Variants in CFAP61 observed in about 807,000 individuals in gnomAD.
CFAP61 encodes the protein cilia and flagella associated protein 61.
In CFAP61, 107 loss-of-function variants were observed where a neutral mutation model predicts 135.6. The observed-to-expected ratio is 0.79, with a 90% CI of 0.67 to 0.93. CFAP61 has a LOEUF of 0.93. Among genes scored for constraint, CFAP61 ranks in the 40% least tolerant of loss-of-function variants. The pLI is 0.00. For missense variants in CFAP61, 1,507 were observed against 1,556.2 expected (o/e 0.97, Z 0.53); for synonymous variants, 575 against 578.5 (o/e 0.99, Z 0.09).
chr20:20,106,005 T>TAC (rs2048366663), intron 8 of CFAP61, among the ~76,000 whole-genome samples: 1 of 10,000 alleles, frequency 1.0e-4, no homozygotes, highest in South Asian at 4.9e-3. Context: ...CTTGCCTATA[T>TAC]ATATATATAT....
chr20:20,110,159 A>T (rs73605579), intron 8 of CFAP61, among the ~76,000 whole-genome samples: 4 of 152,054 alleles, frequency 2.6e-5, no homozygotes, highest in African/African-American at 9.6e-5. Context: ...CCACTTGCCT[A>T]GGCTTCCTTG....
chr20:20,116,606 G>T (rs1483755128), intron 8 of CFAP61, among the ~76,000 whole-genome samples: 1 of 151,954 alleles, frequency 6.6e-6, no homozygotes, highest in Non-Finnish European at 1.5e-5. Flanking sequence ...TTTTATTTTT[G>T]TGTATGGTGA....
At chr20:20,317,472 C>T (rs2057205224) in intron 25 of CFAP61, among the ~76,000 whole-genome samples, 1 of 152,176 alleles carries the variant, frequency 6.6e-6, no homozygotes, top group Non-Finnish European at 1.5e-5. Context: ...TGGCAGAGCC[C>T]CAGCATGGCC....
At chr20:20,070,827 T>C (rs993574107) in intron 2 of CFAP61, 27 bp from the exon 3 acceptor site, 1 of 1,600,440 alleles carries the variant, frequency 6.2e-7, no homozygotes, top group Non-Finnish European at 8.5e-7. Flanking sequence ...ATCTTATTCA[T>C]GTTTGCAATT....
chr20:20,296,584 A>G (rs193278231), intron 24 of CFAP61, among the ~76,000 whole-genome samples: 260 of 151,842 alleles, frequency 1.7e-3, no homozygotes, highest in Middle Eastern at 0.01. Context: ...CAGCCTGAGT[A>G]TTTAAAAATA....
intron 8 of CFAP61, among the ~76,000 whole-genome samples, chr20:20,133,453 C>T (rs1350671209): frequency 6.6e-6 from 1 of 152,124 alleles, no homozygotes; most frequent in Non-Finnish European, 1.5e-5. Context: ...TGGAAACATG[C>T]AAGACCTCAG....
intron 8 of CFAP61, among the ~76,000 whole-genome samples, chr20:20,133,319 C>T (rs2050683109): frequency 6.6e-6 from 1 of 152,196 alleles, no homozygotes. Context: ...ACTCACATGT[C>T]TTGGAGTGTT....
intron 18 of CFAP61, among the ~76,000 whole-genome samples, chr20:20,242,598 C>T (rs762748113): frequency 3.9e-5 from 6 of 152,230 alleles, no homozygotes; most frequent in Non-Finnish European, 8.8e-5. Flanking sequence ...CCATTTCCAA[C>T]CTTGATTTTC....
chr20:20,274,348 C>A (rs1240579942), intron 21 of CFAP61, among the ~76,000 whole-genome samples: 1 of 152,174 alleles, frequency 6.6e-6, no homozygotes, highest in Non-Finnish European at 1.5e-5. Context: ...TAACCTCCCA[C>A]AGAATGGAGA....
At chr20:20,205,462 G>A (rs1184075110) in intron 17 of CFAP61, among the ~76,000 whole-genome samples, 1 of 152,176 alleles carries the variant, frequency 6.6e-6, no homozygotes, top group Non-Finnish European at 1.5e-5. Context: ...CCTACCTAAA[G>A]GCTGAAGTAC....
intron 24 of CFAP61, among the ~76,000 whole-genome samples, chr20:20,295,066 C>T (rs2055315851): frequency 6.6e-6 from 1 of 151,840 alleles, no homozygotes; most frequent in East Asian, 1.9e-4. Flanking sequence ...CATTTAAGGC[C>T]ACAAAACGCT....
intron 20 of CFAP61, among the ~76,000 whole-genome samples, chr20:20,257,374 G>A (rs773568869): frequency 1.6e-4 from 24 of 152,120 alleles, no homozygotes; most frequent in Non-Finnish European, 3.4e-4. Flanking sequence ...CAGCATTTTG[G>A]GAGGCCAAGG....
intron 25 of CFAP61, among the ~76,000 whole-genome samples, chr20:20,330,818 C>T (rs2057962170): frequency 6.6e-6 from 1 of 152,158 alleles, no homozygotes; most frequent in South Asian, 2.1e-4. Context: ...GCTCTGATAC[C>T]TTGTGAGGAA....
chr20:20,223,384 A>G (rs1444802808), intron 17 of CFAP61, among the ~76,000 whole-genome samples: 1 of 152,178 alleles, frequency 6.6e-6, no homozygotes, highest in African/African-American at 2.4e-5. Flanking sequence ...CACCAAGCTA[A>G]TGACACCCAG....
intron 18 of CFAP61, among the ~76,000 whole-genome samples, chr20:20,233,544 A>G (rs1437607716): frequency 6.6e-6 from 1 of 152,162 alleles, no homozygotes; most frequent in Non-Finnish European, 1.5e-5. Context: ...GTTCTGGTGC[A>G]GAGGCTGGTC....
intron 17 of CFAP61, among the ~76,000 whole-genome samples, chr20:20,216,401 G>T (rs935128122): frequency 6.6e-6 from 1 of 152,196 alleles, no homozygotes; most frequent in African/African-American, 2.4e-5. Context: ...GGAATTTTTT[G>T]AAAATAGTTT....
intron 11 of CFAP61, among the ~76,000 whole-genome samples, chr20:20,165,316 A>G (rs2053739369): frequency 6.6e-6 from 1 of 152,194 alleles, no homozygotes; most frequent in Non-Finnish European, 1.5e-5. Flanking sequence ...TGCCACAAGG[A>G]GATGGAGAAG....
chr20:20,114,700 A>G (rs2049020522), intron 8 of CFAP61, among the ~76,000 whole-genome samples: 1 of 152,152 alleles, frequency 6.6e-6, no homozygotes, highest in Non-Finnish European at 1.5e-5. Flanking sequence ...TCTCTATATA[A>G]TGTAAATTTT....
At chr20:20,173,643 C>G (rs922397081) in intron 13 of CFAP61, among the ~76,000 whole-genome samples, 13 of 152,146 alleles carry the variant, frequency 8.5e-5, no homozygotes, top group Non-Finnish European at 1.5e-4. Flanking sequence ...AGTGGGTGTG[C>G]AGTACTTTTG....
Sources: gnomAD v4.1 joint callset for allele counts (sites outside exome capture counted in the v4.1 genomes callset) on GRCh38, gnomAD v4.1.1 for gene constraint, MANE v1.5 for transcripts, NCBI Gene and HGNC (gene_info 2026-07-23, HGNC 2026-07-21) for gene names.